Variants in KCNT2 observed in about 807,000 individuals in gnomAD.
KCNT2 encodes the protein potassium channel subfamily T member 2.
Under a neutral mutation model 153.8 loss-of-function variants are expected in KCNT2, and 67 were observed. That is an observed-to-expected ratio of 0.44 (90% CI 0.36 to 0.53). KCNT2 has a LOEUF of 0.53. Among genes scored for constraint, KCNT2 ranks in the 20% least tolerant of loss-of-function variants. KCNT2 has a pLI of 0.00. For missense variants in KCNT2, 975 were observed against 1,354.8 expected (o/e 0.72, Z 4.40); for synonymous variants, 500 against 458.8 (o/e 1.09, Z -1.15).
intron 26 of KCNT2, among the ~76,000 whole-genome samples, chr1:196,248,817 A>G (rs1030025273): frequency 3.3e-5 from 5 of 152,198 alleles, no homozygotes; most frequent in Non-Finnish European, 7.4e-5. Context: ...TATTACCTTG[A>G]TACAAAAACC....
intron 1 of KCNT2, among the ~76,000 whole-genome samples, chr1:196,547,216 G>C (rs1657223395): frequency 6.6e-6 from 1 of 151,936 alleles, no homozygotes; most frequent in African/African-American, 2.4e-5. Flanking sequence ...AACTCAGGAT[G>C]CTCAGGGTGG....
chr1:196,366,010 T>C (rs192779788), intron 14 of KCNT2, among the ~76,000 whole-genome samples: 1 of 152,166 alleles, frequency 6.6e-6, no homozygotes, highest in Admixed American at 6.5e-5. Flanking sequence ...ACAGCCAAAT[T>C]TGTATGTTCA....
intron 1 of KCNT2, among the ~76,000 whole-genome samples, chr1:196,552,300 A>T (rs1658020797): frequency 6.6e-6 from 1 of 151,498 alleles, no homozygotes; most frequent in African/African-American, 2.4e-5. Context: ...TAAAAAGAGG[A>T]ATTACTGATT....
chr1:196,339,934 TAC>T (rs1422956897), intron 16 of KCNT2, among the ~76,000 whole-genome samples: 2 of 151,636 alleles, frequency 1.3e-5, no homozygotes, highest in East Asian at 3.9e-4. Context: ...AAAGAGAACT[TAC>T]AAAAGAAATA....
At chr1:196,338,948 C>CCA (rs1481672744) in intron 16 of KCNT2, among the ~76,000 whole-genome samples, 6 of 37,732 alleles carry the variant, frequency 1.6e-4, no homozygotes, top group African/African-American at 4.5e-4. Flanking sequence ...TGCTTTTTAG[C>CCA]AAAAAAAAAA....
chr1:196,354,245 T>C (rs895196828), intron 14 of KCNT2, among the ~76,000 whole-genome samples: 6 of 151,802 alleles, frequency 4.0e-5, no homozygotes, highest in African/African-American at 1.4e-4. Context: ...TCTACCTCTT[T>C]CACAGCATTG....
chr1:196,596,161 A>C (rs61819890), intron 1 of KCNT2, among the ~76,000 whole-genome samples: 40,958 of 149,856 alleles, frequency 0.27, 6,120 homozygotes, highest in Admixed American at 0.38. Context: ...ATATATTTGC[A>C]ATTACAAGTA....
chr1:196,358,570 CTACTT>C (rs769129685), intron 14 of KCNT2, among the ~76,000 whole-genome samples: 43 of 151,964 alleles, frequency 2.8e-4, no homozygotes, highest in Non-Finnish European at 5.6e-4. Context: ...TTATACTACT[CTACTT>C]TTCAAATACA....
At chr1:196,253,849 A>G (rs1656216690) in intron 26 of KCNT2, among the ~76,000 whole-genome samples, 4 of 151,592 alleles carry the variant, frequency 2.6e-5, no homozygotes, top group Admixed American at 2.6e-4. Flanking sequence ...ACTTATTTCA[A>G]TAACAAAAAA....
At chr1:196,286,061 T>C (rs542992683) in intron 22 of KCNT2, among the ~76,000 whole-genome samples, 24 of 151,220 alleles carry the variant, frequency 1.6e-4, no homozygotes, top group African/African-American at 5.8e-4. Context: ...TTGAAAAAAA[T>C]GTGAAAAAAA....
chr1:196,497,562 G>A (rs1409761572), intron 1 of KCNT2, among the ~76,000 whole-genome samples: 1 of 151,904 alleles, frequency 6.6e-6, no homozygotes. Context: ...TGTGGATTTT[G>A]GTATCCACAG....
At chr1:196,565,419 T>C (rs1308684096) in intron 1 of KCNT2, among the ~76,000 whole-genome samples, 1 of 151,704 alleles carries the variant, frequency 6.6e-6, no homozygotes, top group Non-Finnish European at 1.5e-5. Flanking sequence ...AACTGCCGTG[T>C]CATCCCATTG....
chr1:196,508,322 A>G (rs1459684119), intron 1 of KCNT2, among the ~76,000 whole-genome samples: 1 of 151,912 alleles, frequency 6.6e-6, no homozygotes, highest in Non-Finnish European at 1.5e-5. Context: ...AATAATGGTT[A>G]ATATTTTTGA....
intron 22 of KCNT2, among the ~76,000 whole-genome samples, chr1:196,287,418 T>A (rs1659767658): frequency 6.6e-6 from 1 of 151,380 alleles, no homozygotes; most frequent in South Asian, 2.1e-4. Context: ...CGCCTGAGAA[T>A]TTGATGTTAC....
chr1:196,273,445 G>T, intron 25 of KCNT2: 1 of 1,508,288 alleles, frequency 6.6e-7, no homozygotes, highest in South Asian at 1.2e-5. Context: ...TTGAGGAAAG[G>T]GAAACAAACA....
chr1:196,395,795 A>G (rs955320854), intron 13 of KCNT2, among the ~76,000 whole-genome samples: 2 of 151,658 alleles, frequency 1.3e-5, no homozygotes, highest in Admixed American at 1.3e-4. Context: ...CATAAATTAT[A>G]ATCATGATTA....
chr1:196,279,546 C>A (rs1658898496), intron 25 of KCNT2, among the ~76,000 whole-genome samples: 1 of 151,946 alleles, frequency 6.6e-6, no homozygotes, highest in Non-Finnish European at 1.5e-5. Context: ...CCTCAGCCTC[C>A]CGAGTAGCTG....
At position 196,505,931 on chromosome 1, in the gene KCNT2, T is replaced by C. The variant is rs906098674; in HGVS notation, c.96-13590A>G. On this transcript the variant is annotated intron_variant, in intron 1 of 27. Coordinates refer to ENST00000294725, the MANE Select transcript of KCNT2 (RefSeq NM_198503.5). ...ATGCTTGTGATTTTTGTACGTTGAT[T>C]TTGTATCCTGAGACTTTGCTGAAGT... Among the ~76,000 whole-genome samples the C allele has an allele frequency of 5.3e-5, 8 of 152,170 alleles. No homozygotes were observed. In the South Asian group the frequency reaches 1.7e-3, roughly 32 times the overall value.
intron 8 of KCNT2, among the ~76,000 whole-genome samples, chr1:196,450,489 C>G (rs1386172955): frequency 6.6e-6 from 1 of 151,870 alleles, no homozygotes; most frequent in Non-Finnish European, 1.5e-5. Flanking sequence ...TTTCCAGATT[C>G]CTTTCCAGAT....
Sources: allele counts gnomAD v4.1 joint callset (sites outside exome capture counted in the v4.1 genomes callset), GRCh38; gene constraint gnomAD v4.1.1; transcripts MANE v1.5; gene names NCBI Gene and HGNC (gene_info 2026-07-23, HGNC 2026-07-21).